Variants in FNDC3B observed in about 807,000 individuals in gnomAD.
FNDC3B encodes fibronectin type III domain containing 3B.
FNDC3B carries 12 observed loss-of-function variants against 151.5 expected under a neutral mutation model. That is an observed-to-expected ratio of 0.08 (90% CI 0.05 to 0.13). The LOEUF (loss-of-function observed/expected upper bound fraction) is 0.13, where lower values mean the gene tolerates loss of function less well. Ranked by LOEUF, FNDC3B falls within the 10% of genes least tolerant of loss-of-function variation. The pLI, the probability that FNDC3B is intolerant of heterozygous loss-of-function variation, is 1.00. For synonymous variants in FNDC3B, 528 were observed against 549.0 expected, an observed-to-expected ratio of 0.96 and a Z score of 0.54; for missense variants, 1,214 against 1,505.3, an observed-to-expected ratio of 0.81 and a Z score of 3.20.
At chr3:172,298,876 G>A in intron 9 of FNDC3B, 89 bp downstream of exon 9, 1 of 876,558 alleles carries the variant, frequency 1.1e-6, no homozygotes, top group Admixed American at 2.5e-5. Flanking sequence ...TTTGGTGAAT[G>A]TTGCTTACCT....
chr3:172,045,774 CT>C (rs2108451500), intron 1 of FNDC3B, among the ~76,000 whole-genome samples: 1 of 137,916 alleles, frequency 7.3e-6, no homozygotes, highest in South Asian at 2.3e-4. Flanking sequence ...GTGTCTCTCT[CT>C]CTCTCTCTCT....
At chr3:172,361,447 A>G (rs1734359861) in intron 22 of FNDC3B, among the ~76,000 whole-genome samples, 1 of 152,204 alleles carries the variant, frequency 6.6e-6, no homozygotes, top group South Asian at 2.1e-4. Context: ...ACCCTAAGTT[A>G]TCACTCTTAA....
intron 3 of FNDC3B, among the ~76,000 whole-genome samples, chr3:172,156,697 T>TTG (rs1722503752): frequency 6.7e-6 from 1 of 148,746 alleles, no homozygotes; most frequent in African/African-American, 2.5e-5. Context: ...TTTTGAAGTT[T>TTG]TTTTTTTTTT....
intron 3 of FNDC3B, among the ~76,000 whole-genome samples, chr3:172,139,926 G>C (rs1278757470): frequency 1.3e-5 from 2 of 152,048 alleles, no homozygotes; most frequent in Admixed American, 1.3e-4. Flanking sequence ...CTCCCAAATT[G>C]CTGGGATTAC....
chr3:172,266,775 A>G (rs574577646), intron 6 of FNDC3B, among the ~76,000 whole-genome samples: 4 of 152,316 alleles, frequency 2.6e-5, no homozygotes, highest in South Asian at 4.1e-4. Flanking sequence ...ATAAGAATAC[A>G]TGTGATCTCA....
chr3:172,251,507 AAGC>A lies in FNDC3B; in HGVS notation c.760_762del (p.Ser254del). On this transcript the variant is annotated inframe_deletion, in exon 6 of 26. Transcript: ENST00000415807. ...TTAAGAAAACAGAGCGACGAGCAAG[AAGC>A]AGCCCAAAGTCGAATGATTCAGACT... 1 of 1,613,908 alleles carries A rather than the reference AAGC, an allele frequency of 6.2e-7. No homozygotes were observed. The highest frequency in any genetic ancestry group is 1.1e-5 in the South Asian group (1 of 91,074).
chr3:172,093,081 G>A (rs1481632381), intron 1 of FNDC3B, among the ~76,000 whole-genome samples: 2 of 151,608 alleles, frequency 1.3e-5, no homozygotes, highest in Admixed American at 6.6e-5. Context: ...GCCTCCCAAA[G>A]TGCTGGGATT....
At chr3:172,311,744 G>A (rs917353687) in intron 11 of FNDC3B, among the ~76,000 whole-genome samples, 25 of 151,098 alleles carry the variant, frequency 1.7e-4, no homozygotes, top group Non-Finnish European at 2.8e-4. Flanking sequence ...CGGGCGTAGT[G>A]GCGGGCGCCT....
At chr3:172,215,773 C>T (rs1359213188) in intron 3 of FNDC3B, among the ~76,000 whole-genome samples, 6 of 152,152 alleles carry the variant, frequency 3.9e-5, no homozygotes, top group Non-Finnish European at 7.4e-5. Flanking sequence ...CTACTTGCAT[C>T]GACTTTTAAT....
intron 1 of FNDC3B, among the ~76,000 whole-genome samples, chr3:172,075,692 T>C (rs890216179): frequency 3.3e-5 from 5 of 150,086 alleles, no homozygotes; most frequent in African/African-American, 1.2e-4. Flanking sequence ...GGGGCACACA[T>C]TGAGAAACAT....
rs562833901 is a variant in FNDC3B, at chr3:172,178,993, G to T, written c.187+45447G>T. The stretch of plus-strand genomic sequence containing the variant: ...TGTCTTTAAATTATGGTTTTGAAAA[G>T]GTTTACTCTCTTTTGCTATTCCATA... On this transcript the variant is annotated intron_variant, in intron 3 of 25. Coordinates refer to ENST00000415807, the MANE Select transcript of FNDC3B (RefSeq NM_022763.4). Among the ~76,000 whole-genome samples the T allele has an allele frequency of 4.0e-4, 61 of 152,206 alleles. 1 individual carries two copies. The highest frequency in any genetic ancestry group is 7.6e-4 in the Non-Finnish European group (52 of 67,998).
chr3:172,283,478 T>A (rs1425710660), intron 6 of FNDC3B, among the ~76,000 whole-genome samples: 5 of 152,178 alleles, frequency 3.3e-5, no homozygotes, highest in Admixed American at 3.3e-4. Context: ...GTGTGTTGAG[T>A]AGGTGATCAT....
At chr3:172,193,833 TAACTA>T (rs991353588) in intron 3 of FNDC3B, among the ~76,000 whole-genome samples, 6 of 152,188 alleles carry the variant, frequency 3.9e-5, no homozygotes, top group Non-Finnish European at 7.4e-5. Context: ...ATCTTTTTAA[TAACTA>T]AAGTGTTCAC....
intron 3 of FNDC3B, among the ~76,000 whole-genome samples, chr3:172,192,918 T>A (rs1236728245): frequency 6.6e-6 from 1 of 152,058 alleles, no homozygotes; most frequent in Non-Finnish European, 1.5e-5. Context: ...TTGTCAAAAC[T>A]CAAACTCGGT....
At chr3:172,184,635 C>T in intron 3 of FNDC3B, among the ~76,000 whole-genome samples, 1 of 152,148 alleles carries the variant, frequency 6.6e-6, no homozygotes, top group East Asian at 1.9e-4. Context: ...TGTTTGTATA[C>T]CTCACAGGGC....
chr3:172,092,100 A>T (rs941747045), intron 1 of FNDC3B, among the ~76,000 whole-genome samples: 9 of 152,162 alleles, frequency 5.9e-5, no homozygotes, highest in African/African-American at 1.9e-4. Context: ...AACAATGCAC[A>T]TTTCAAGTGT....
At chr3:172,378,882 G>A (rs573424266) in intron 24 of FNDC3B, among the ~76,000 whole-genome samples, 27 of 152,290 alleles carry the variant, frequency 1.8e-4, no homozygotes, top group African/African-American at 5.8e-4. Context: ...TTGGAAAGCT[G>A]TAGCAGCGTT....
intron 25 of FNDC3B, among the ~76,000 whole-genome samples, chr3:172,389,399 TAGTC>T (rs150959334): frequency 0.04 from 6,063 of 152,278 alleles, 131 homozygotes; most frequent in Middle Eastern, 0.048. Flanking sequence ...AAGGACATTA[TAGTC>T]AGAGCCAAGG....
At chr3:172,220,868 C>G (rs1271912538) in intron 3 of FNDC3B, among the ~76,000 whole-genome samples, 1 of 152,124 alleles carries the variant, frequency 6.6e-6, no homozygotes, top group Non-Finnish European at 1.5e-5. Flanking sequence ...CGAGGAATAT[C>G]ACTTGAGCCC....
Sources: gnomAD v4.1 joint callset for allele counts (sites outside exome capture counted in the v4.1 genomes callset) on GRCh38, gnomAD v4.1.1 for gene constraint, MANE v1.5 for transcripts, NCBI Gene and HGNC (gene_info 2026-07-23, HGNC 2026-07-21) for gene names.